Variants in SPATA17 observed in about 807,000 individuals in gnomAD.
The protein encoded by SPATA17 is spermatogenesis associated 17, also known as spermatogenesis-associated protein 17.
SPATA17 carries 53 observed loss-of-function variants against 62.2 expected under a neutral mutation model. The ratio of observed to expected loss-of-function variants is 0.85; its 90% CI spans 0.68 to 1.07. The LOEUF is 1.07. SPATA17 is among the 50% of genes least tolerant of loss of function. The pLI, the probability that SPATA17 is intolerant of heterozygous loss-of-function variation, is 0.00. For missense variants in SPATA17, 466 were observed against 425.5 expected (o/e 1.10, Z -0.84); for synonymous variants, 146 against 146.8 (o/e 0.99, Z 0.04).
intron 5 of SPATA17, among the ~76,000 whole-genome samples, chr1:217,738,548 G>T (rs1361306842): frequency 6.6e-6 from 1 of 152,208 alleles, no homozygotes; most frequent in Admixed American, 6.5e-5. Context: ...TAATGGAAAA[G>T]ATACTAATAT....
At chr1:217,757,036 T>C (rs900905805) in intron 6 of SPATA17, among the ~76,000 whole-genome samples, 2 of 152,162 alleles carry the variant, frequency 1.3e-5, no homozygotes, top group African/African-American at 4.8e-5. Flanking sequence ...ACACCCCAAA[T>C]GATAAAACGG....
intron 6 of SPATA17, 80 bp from the exon 7 acceptor site, chr1:217,774,254 A>G: frequency 2.4e-6 from 3 of 1,248,132 alleles, no homozygotes; most frequent in Non-Finnish European, 3.4e-6. Context: ...AAACATAAGA[A>G]AAAATTTCAT....
chr1:217,868,635 A>G lies in SPATA17; in HGVS notation c.*1616A>G, dbSNP rs1489225211. ...TCAAAGTATGGTTTCTACTGAATGC[A>G]TTGTAAACCAGAAAGTATCTGAGAC... is the stretch of plus-strand genomic sequence containing the variant. On this transcript the variant is annotated 3_prime_UTR_variant, in exon 11 of 11. Transcript: ENST00000366933. 1 of 148,310 alleles carries G rather than the reference A, an allele frequency of 6.7e-6. No homozygotes were observed. The highest frequency in any genetic ancestry group is 1.5e-5 in the Non-Finnish European group (1 of 67,138). The allele number at this position is 148,310 out of a possible 1,614,324, so 9.2% of individuals were successfully genotyped here.
At chr1:217,862,275 A>G (rs540489444) in intron 9 of SPATA17, among the ~76,000 whole-genome samples, 5 of 152,314 alleles carry the variant, frequency 3.3e-5, no homozygotes, top group South Asian at 4.1e-4. Context: ...TTCACTGGTT[A>G]CACAACAAAA....
chr1:217,701,653 CTGTGACTAGAGG>C (rs1479530397), intron 5 of SPATA17, among the ~76,000 whole-genome samples: 1 of 152,126 alleles, frequency 6.6e-6, no homozygotes, highest in African/African-American at 2.4e-5. Flanking sequence ...TCCCAAAGTG[CTGTGACTAGAGG>C]TGTGAGCCAT....
rs533379924 is a variant in SPATA17 at position 217,829,437 on chromosome 1, G to A, written c.1005+27587G>A. On this transcript the variant is annotated intron_variant, in intron 9 of 10. Transcript: ENST00000366933. The stretch of plus-strand genomic sequence containing the variant: ...GAGGTCAGGAGTTCAAGACCAGCCT[G>A]GCCAAAATGGTGAAACCCCGTCTCT... Among the ~76,000 whole-genome samples, 17 of 151,672 alleles carry A rather than the reference G, an allele frequency of 1.1e-4. No homozygotes were observed. In the South Asian group the frequency reaches 2.7e-3, roughly 24 times the overall value.
At chr1:217,698,277 T>G (rs1030062224) in intron 5 of SPATA17, among the ~76,000 whole-genome samples, 1 of 151,984 alleles carries the variant, frequency 6.6e-6, no homozygotes, top group Non-Finnish European at 1.5e-5. Context: ...CTACTAAAAA[T>G]ACAAAAATTA....
At chr1:217,829,491 G>T (rs111380413) in intron 9 of SPATA17, among the ~76,000 whole-genome samples, 1,674 of 151,730 alleles carry the variant, frequency 0.011, 24 homozygotes, top group African/African-American at 0.038. Flanking sequence ...AGCCGGGCAT[G>T]GTGGCCCACA....
intron 6 of SPATA17, among the ~76,000 whole-genome samples, chr1:217,749,979 CTCTCTCTATATATA>C (rs1182911382): frequency 3.2e-5 from 1 of 30,900 alleles, no homozygotes; most frequent in Non-Finnish European, 6.7e-5. Flanking sequence ...CTCTCTCTCT[CTCTCTCTATATATA>C]TATATATATA....
At chr1:217,831,429 C>T (rs1048738298) in intron 9 of SPATA17, among the ~76,000 whole-genome samples, 3 of 152,080 alleles carry the variant, frequency 2.0e-5, no homozygotes, top group African/African-American at 4.8e-5. Context: ...TTCCTTGCAT[C>T]GACACAGTTG....
At chr1:217,816,175 T>C (rs1510264) in intron 9 of SPATA17, among the ~76,000 whole-genome samples, 44,131 of 151,920 alleles carry the variant, frequency 0.29, 7,683 homozygotes, top group Non-Finnish European at 0.38. Flanking sequence ...TTTAATATAC[T>C]GAGTCTTAGC....
intron 9 of SPATA17, among the ~76,000 whole-genome samples, chr1:217,805,938 C>T (rs1358320543): frequency 1.3e-5 from 2 of 152,118 alleles, no homozygotes; most frequent in East Asian, 3.9e-4. Flanking sequence ...GGAAAACAAA[C>T]AAGAACTACC....
At chr1:217,790,251 C>T (rs1310624718) in intron 8 of SPATA17, among the ~76,000 whole-genome samples, 2 of 152,048 alleles carry the variant, frequency 1.3e-5, no homozygotes, top group East Asian at 1.9e-4. Flanking sequence ...TATGGTAAAA[C>T]GTTATCTTTA....
intron 9 of SPATA17, among the ~76,000 whole-genome samples, chr1:217,857,151 C>T (rs915320420): frequency 1.3e-5 from 2 of 152,120 alleles, no homozygotes; most frequent in Non-Finnish European, 2.9e-5. Flanking sequence ...GTTTTGTCTC[C>T]TATGGTGTAA....
At chr1:217,663,091 TG>T (rs1383784021) in intron 3 of SPATA17, among the ~76,000 whole-genome samples, 1 of 152,140 alleles carries the variant, frequency 6.6e-6, no homozygotes, top group Non-Finnish European at 1.5e-5. Flanking sequence ...TACTGGTAAC[TG>T]GGAGAAAGAA....
At chr1:217,776,476 G>T (rs1444584185) in intron 7 of SPATA17, among the ~76,000 whole-genome samples, 3 of 151,916 alleles carry the variant, frequency 2.0e-5, no homozygotes, top group Admixed American at 6.6e-5. Context: ...AGTTTCTATG[G>T]GTTTGCCATT....
At chr1:217,747,041 G>A (rs1422091037) in intron 6 of SPATA17, among the ~76,000 whole-genome samples, 1 of 151,860 alleles carries the variant, frequency 6.6e-6, no homozygotes, top group Admixed American at 6.6e-5. Flanking sequence ...AACAGGGTTG[G>A]GATTAGCACC....
At chr1:217,782,495 A>C (rs571266207) in intron 8 of SPATA17, among the ~76,000 whole-genome samples, 173 bp downstream of exon 8, 2 of 152,194 alleles carry the variant, frequency 1.3e-5, no homozygotes, top group Non-Finnish European at 2.9e-5. Flanking sequence ...AAATGAGGTC[A>C]GTATTGATGG....
intron 6 of SPATA17, among the ~76,000 whole-genome samples, chr1:217,742,599 A>C (rs1672647597): frequency 6.6e-6 from 1 of 152,216 alleles, no homozygotes; most frequent in Admixed American, 6.5e-5. Context: ...ATAAGCACGA[A>C]ATTTGGAATA....
Sources: gnomAD v4.1 joint callset for allele counts (sites outside exome capture counted in the v4.1 genomes callset) on GRCh38, gnomAD v4.1.1 for gene constraint, MANE v1.5 for transcripts, NCBI Gene and HGNC (gene_info 2026-07-23, HGNC 2026-07-21) for gene names.